SLC39A14: variants seen among roughly 807,000 people sequenced by gnomAD.
SLC39A14 encodes the protein solute carrier family 39 member 14.
Under a neutral mutation model 45.5 loss-of-function variants are expected in SLC39A14, and 19 were observed. That is an observed-to-expected ratio of 0.42 (90% CI 0.29 to 0.61). The LOEUF (loss-of-function observed/expected upper bound fraction) is 0.61. Among genes scored for constraint, SLC39A14 ranks in the 20% least tolerant of loss-of-function variants. The probability of loss-of-function intolerance (pLI) is 0.22; values close to 1 mark genes in which losing one functional copy is unlikely to be tolerated. For synonymous variants in SLC39A14, 264 were observed against 251.3 expected, an observed-to-expected ratio of 1.05 and a Z score of -0.48; for missense variants, 447 against 616.5, an observed-to-expected ratio of 0.73 and a Z score of 2.91.
chr8:22,391,776 GC>G (rs2132243724), intron 1 of SLC39A14, among the ~76,000 whole-genome samples: 1 of 152,238 alleles, frequency 6.6e-6, no homozygotes, highest in South Asian at 2.1e-4. Context: ...CACCACTTTG[GC>G]CAGGGTGGTC....
At chr8:22,376,843 A>C (rs1833246017) in intron 1 of SLC39A14, among the ~76,000 whole-genome samples, 2 of 152,180 alleles carry the variant, frequency 1.3e-5, no homozygotes, top group Admixed American at 1.3e-4. Context: ...GAGCCACTGC[A>C]CTCCAGCCTG....
rs1835101441 is a variant in SLC39A14 at position 22,404,703 on chromosome 8, C to T, written c.-8C>T. The T allele has an allele frequency of 6.3e-6, 10 of 1,594,858 alleles. No homozygotes were observed. The highest frequency in any genetic ancestry group is 7.6e-6 in the Non-Finnish European group (9 of 1,177,390). ...TGCCTTTTTCTCTCACAGGTTTATT[C>T]AGTCACCATGAAGCTGCTGCTGCTG... On this transcript the variant is annotated 5_prime_UTR_variant, in exon 2 of 9. Coordinates refer to ENST00000381237, the MANE Select transcript of SLC39A14 (RefSeq NM_001128431.4).
chr8:22,397,386 G>A (rs1176543147), intron 1 of SLC39A14, among the ~76,000 whole-genome samples: 1 of 152,148 alleles, frequency 6.6e-6, no homozygotes, highest in African/African-American at 2.4e-5. Context: ...AGACCATCCT[G>A]GCTAACACAG....
At position 22,376,478 on chromosome 8, in the gene SLC39A14, C is replaced by T. The variant is rs1263209365; in HGVS notation, c.-16+9070C>T. 4.0e-5 allele frequency among the ~76,000 whole-genome samples: 6 copies of T among 151,728 alleles called. No individual in the cohort carries two copies. The East Asian group carries it at 7.7e-4, about 20-fold the overall frequency. On this transcript the variant is annotated intron_variant, in intron 1 of 8. Transcript: ENST00000381237. ...GATTATAGGCGTGAGCCACTGCACT[C>T]GGCCATGTTGGAGTATTTTTTTACT...
intron 1 of SLC39A14, among the ~76,000 whole-genome samples, chr8:22,386,012 T>G (rs1833772352): frequency 6.6e-6 from 1 of 152,212 alleles, no homozygotes; most frequent in South Asian, 2.1e-4. Flanking sequence ...CAATCTTGGC[T>G]GACTGCAACC....
At chr8:22,423,812 C>CT (rs1554523073), downstream of SLC39A14, among the ~76,000 whole-genome samples, 4 of 138,914 alleles carry the variant, frequency 2.9e-5, no homozygotes, top group Admixed American at 2.1e-4. Flanking sequence ...CTCTCTCTCT[C>CT]ATCTATCTTC....
In SLC39A14 at chr8:22,422,275, G is replaced by A; in HGVS notation, c.*2577G>A. Reference sequence around the variant, plus strand: ...ACAGTGAGGCAGGGACAGGGGTTCTGCTCCTTCTCACTTCACCACCGGCAC... The same window carrying A: ...ACAGTGAGGCAGGGACAGGGGTTCTACTCCTTCTCACTTCACCACCGGCAC... On this transcript the variant is annotated 3_prime_UTR_variant, in exon 9 of 9. Transcript: ENST00000381237. 1 of 985,588 alleles carries A rather than the reference G, an allele frequency of 1.0e-6. No homozygotes were observed. Among genetic ancestry groups the A allele is most frequent in the Non-Finnish European group, 1.2e-6 (1 of 829,932 alleles). 61.1% of individuals were successfully genotyped at this position (985,588 alleles called of 1,614,324 possible).
At chr8:22,408,128 GT>G (rs1399409325) in intron 2 of SLC39A14, among the ~76,000 whole-genome samples, 181 bp from the exon 3 acceptor site, 2 of 152,234 alleles carry the variant, frequency 1.3e-5, no homozygotes, top group Non-Finnish European at 2.9e-5. Flanking sequence ...TTAGTTACTA[GT>G]TTTTTAAGTT....
At chr8:22,409,396 T>C (rs1344731894) in intron 3 of SLC39A14, among the ~76,000 whole-genome samples, 2 of 152,068 alleles carry the variant, frequency 1.3e-5, no homozygotes, top group African/African-American at 4.8e-5. Context: ...TGTTTGTTTG[T>C]TTTGAGACAG....
rs767521485 is a variant in SLC39A14 at position 22,417,611 on chromosome 8, T to G, written c.1148-40T>G. 9 of 1,573,372 alleles carry G rather than the reference T, an allele frequency of 5.7e-6. No individual in the cohort carries two copies. The East Asian group carries it at 2.0e-4, about 35-fold the overall frequency. On this transcript the variant is annotated intron_variant, in intron 7 of 8. Coordinates refer to ENST00000381237, the MANE Select transcript of SLC39A14 (RefSeq NM_001128431.4). ...GCATTCACCATGCCCATCTTACTCT[T>G]CCTTCCTCGTCCCTCCCCTTTTCAT...
At chr8:22,405,067 T>C in intron 2 of SLC39A14, 87 bp downstream of exon 2, 6 of 1,249,846 alleles carry the variant, frequency 4.8e-6, no homozygotes, top group Non-Finnish European at 6.8e-6. Context: ...CAGGGCAGCC[T>C]GGCAGCTTGG....
In SLC39A14 at chr8:22,429,366, A is replaced by G. The variant is rs545790432; in HGVS notation, c.1333-4525A>G. Among the ~76,000 whole-genome samples the G allele has an allele frequency of 1.5e-4, 23 of 152,304 alleles. No homozygotes were observed. The South Asian group carries it at 4.8e-3, about 32-fold the overall frequency. On this transcript the variant is annotated intron_variant, in intron 8 of 8. Transcript: ENST00000240095. Reference sequence around the variant, plus strand: ...ATTGACTATCTGTGTGATCTCTAACATGTTTAACCTCTCTGCACCTCAATA... The same window carrying G: ...ATTGACTATCTGTGTGATCTCTAACGTGTTTAACCTCTCTGCACCTCAATA...
At position 22,404,951 on chromosome 8, in the gene SLC39A14, C is replaced by T; in HGVS notation, c.241C>T (p.His81Tyr). The T allele has an allele frequency of 6.2e-7, 1 of 1,614,126 alleles. No homozygotes were observed. Residue 81 changes from histidine (H) to tyrosine (Y), a missense_variant, in exon 2 of 9, where the codon CAC becomes TAC. Transcript: ENST00000381237. Reference sequence around the variant, plus strand: ...AGTGGGCCGGGGTAATGTCACCCAGCACGTGCAAGGACACAGGAACCTCTC... The same window carrying T: ...AGTGGGCCGGGGTAATGTCACCCAGTACGTGCAAGGACACAGGAACCTCTC... ...VGVGRGNVTQHVQGHRNLSTC... is the reference protein window; with the variant it reads ...VGVGRGNVTQYVQGHRNLSTC...
intron 3 of SLC39A14, among the ~76,000 whole-genome samples, chr8:22,410,985 A>G (rs900288949): frequency 6.6e-6 from 1 of 152,192 alleles, no homozygotes; most frequent in African/African-American, 2.4e-5. Context: ...TCACCCAGAA[A>G]AGACAGCAGA....
intron 1 of SLC39A14, among the ~76,000 whole-genome samples, chr8:22,397,608 C>A (rs1053596580): frequency 1.3e-5 from 2 of 151,980 alleles, no homozygotes; most frequent in Non-Finnish European, 2.9e-5. Flanking sequence ...AAAAGAAAGA[C>A]CTCCTCCTTC....
downstream of SLC39A14, among the ~76,000 whole-genome samples, chr8:22,424,278 C>T (rs1447600514): frequency 6.6e-6 from 1 of 152,156 alleles, no homozygotes; most frequent in Non-Finnish European, 1.5e-5. Flanking sequence ...GTCAATGCGA[C>T]TTAAAATGCT....
At chr8:22,415,004 A>G in intron 5 of SLC39A14, 102 bp downstream of exon 5, 1 of 1,349,912 alleles carries the variant, frequency 7.4e-7, no homozygotes, top group Non-Finnish European at 1.0e-6. Context: ...TTAGCCCAAT[A>G]TCACAATTTC....
At chr8:22,402,379 C>T (rs1325853215) in intron 1 of SLC39A14, among the ~76,000 whole-genome samples, 3 of 151,142 alleles carry the variant, frequency 2.0e-5, no homozygotes, top group African/African-American at 4.9e-5. Context: ...AGCAAGACTC[C>T]GTCTCAAAAA....
downstream of SLC39A14, among the ~76,000 whole-genome samples, chr8:22,426,729 GC>G (rs1356295391): frequency 6.6e-6 from 1 of 151,922 alleles, no homozygotes; most frequent in African/African-American, 2.4e-5. Context: ...TGTTGCCCAG[GC>G]TGGAGTGCAG....
Sources: gnomAD v4.1 joint callset for allele counts (sites outside exome capture counted in the v4.1 genomes callset) on GRCh38, gnomAD v4.1.1 for gene constraint, MANE v1.5 for transcripts, NCBI Gene and HGNC (gene_info 2026-07-23, HGNC 2026-07-21) for gene names.